RPIA: variants seen among roughly 807,000 people sequenced by gnomAD.
The protein encoded by RPIA is ribose 5-phosphate isomerase A.
RPIA carries 29 observed loss-of-function variants against 37.8 expected under a neutral mutation model. The ratio of observed to expected loss-of-function variants is 0.77; its 90% CI spans 0.57 to 1.05. The LOEUF (loss-of-function observed/expected upper bound fraction) is 1.05. RPIA is among the 50% of genes least tolerant of loss of function. The probability of loss-of-function intolerance (pLI) is 0.00; values close to 1 mark genes in which losing one functional copy is unlikely to be tolerated. For missense variants in RPIA, 385 were observed against 413.6 expected, an observed-to-expected ratio of 0.93 and a Z score of 0.60; for synonymous variants, 167 against 157.0, an observed-to-expected ratio of 1.06 and a Z score of -0.48.
At chr2:88,703,582 A>C (rs1266289616) in intron 3 of RPIA, among the ~76,000 whole-genome samples, 4 of 152,208 alleles carry the variant, frequency 2.6e-5, no homozygotes, top group African/African-American at 9.6e-5. Context: ...CAGGGCATCA[A>C]GTCCCTAGGC....
rs371667464 is a variant in RPIA, at chr2:88,719,196, G to A, written c.403-10082G>A. ...GTCATGGATGACAAAAAGTTTTAGG[G>A]CAGCTATAGTCAAGACACAGTTGAC... On this transcript the variant is annotated intron_variant, in intron 3 of 8. Coordinates refer to ENST00000283646, the MANE Select transcript of RPIA (RefSeq NM_144563.3). Among the ~76,000 whole-genome samples, 37 of 152,250 alleles carry A rather than the reference G, an allele frequency of 2.4e-4. 3 individuals carry two copies. The highest frequency in any genetic ancestry group is 1.5e-3 in the East Asian group (8 of 5,188).
intron 2 of RPIA, among the ~76,000 whole-genome samples, chr2:88,698,995 G>T (rs1203156110): frequency 1.3e-5 from 2 of 152,170 alleles, no homozygotes; most frequent in African/African-American, 4.8e-5. Flanking sequence ...CACTGATTAG[G>T]GTGTCTCTAT....
intron 8 of RPIA, among the ~76,000 whole-genome samples, chr2:88,749,648 G>T (rs1484075928): frequency 6.6e-6 from 1 of 152,140 alleles, no homozygotes; most frequent in East Asian, 1.9e-4. Flanking sequence ...CATCTGATAT[G>T]TCTGAAGGAC....
At chr2:88,701,578 C>G (rs868691663) in intron 3 of RPIA, among the ~76,000 whole-genome samples, 3 of 192 alleles carry the variant, frequency 0.016, no homozygotes, top group Middle Eastern at 0.33. Flanking sequence ...CTATTTCTTG[C>G]TCTTTACATG....
intron 3 of RPIA, among the ~76,000 whole-genome samples, chr2:88,714,605 G>A (rs148003234): frequency 1.3e-5 from 2 of 152,354 alleles, no homozygotes; most frequent in African/African-American, 2.4e-5. Context: ...CTGGTCAGAT[G>A]TCCTAGAGAA....
rs912073413 is a variant in RPIA, at chr2:88,704,581, C to T, written c.402+4517C>T. On this transcript the variant is annotated intron_variant, in intron 3 of 8. Coordinates refer to ENST00000283646, the MANE Select transcript of RPIA (RefSeq NM_144563.3). ...ACAACACATGGGAATTATGGGAGTGCAATTCAAGATGAGATTTGGGTGGGG... is the reference window on the plus strand; with the variant it reads ...ACAACACATGGGAATTATGGGAGTGTAATTCAAGATGAGATTTGGGTGGGG... Among the ~76,000 whole-genome samples, 14 of 152,240 alleles carry T rather than the reference C, an allele frequency of 9.2e-5. No homozygotes were observed. The South Asian group carries it at 2.7e-3, about 29-fold the overall frequency.
chr2:88,719,867 G>A (rs1673098252), intron 3 of RPIA, among the ~76,000 whole-genome samples: 1 of 152,150 alleles, frequency 6.6e-6, no homozygotes, highest in Non-Finnish European at 1.5e-5. Context: ...ATCTGACCCA[G>A]GTGCCCATAT....
chr2:88,693,578 C>T (rs538771735), intron 1 of RPIA, among the ~76,000 whole-genome samples: 3 of 152,184 alleles, frequency 2.0e-5, no homozygotes, highest in Non-Finnish European at 4.4e-5. Context: ...TCTGTGTGTT[C>T]GTTTCTTCCA....
At chr2:88,741,340 T>G (rs1343505757) in intron 8 of RPIA, among the ~76,000 whole-genome samples, 2 of 152,206 alleles carry the variant, frequency 1.3e-5, no homozygotes, top group African/African-American at 4.8e-5. Flanking sequence ...GTTACTTCAC[T>G]TAGAATTATG....
chr2:88,715,465 ACT>A (rs1673022488), intron 3 of RPIA, among the ~76,000 whole-genome samples: 1 of 152,180 alleles, frequency 6.6e-6, no homozygotes, highest in African/African-American at 2.4e-5. Context: ...AAAGCCCATG[ACT>A]CTAATGTCAG....
intron 3 of RPIA, among the ~76,000 whole-genome samples, chr2:88,704,213 G>T (rs1028676046): frequency 6.6e-6 from 1 of 152,134 alleles, no homozygotes; most frequent in Admixed American, 6.5e-5. Context: ...CATATTTTCG[G>T]ATATCTTCTC....
intron 8 of RPIA, among the ~76,000 whole-genome samples, chr2:88,747,124 G>A (rs914372027): frequency 6.6e-6 from 1 of 152,172 alleles, no homozygotes; most frequent in Non-Finnish European, 1.5e-5. Context: ...AGGGCTTGCT[G>A]TGGCCACTGT....
chr2:88,718,758 A>G (rs1055827253), intron 3 of RPIA, among the ~76,000 whole-genome samples: 3 of 152,256 alleles, frequency 2.0e-5, no homozygotes, highest in African/African-American at 7.2e-5. Flanking sequence ...CTGTATTGTC[A>G]TAAGGTAAGA....
chr2:88,708,530 A>T (rs1672923567), intron 3 of RPIA, among the ~76,000 whole-genome samples: 3 of 152,166 alleles, frequency 2.0e-5, no homozygotes. Context: ...TTATTAATTT[A>T]TTTTGGGGAA....
At chr2:88,700,782 A>G (rs555034198) in intron 3 of RPIA, among the ~76,000 whole-genome samples, 1 of 152,262 alleles carries the variant, frequency 6.6e-6, no homozygotes, top group Non-Finnish European at 1.5e-5. Context: ...AAGGGAAGAG[A>G]GGTTTTGGGA....
chr2:88,720,764 G>A (rs932975416), intron 3 of RPIA, among the ~76,000 whole-genome samples: 5 of 152,160 alleles, frequency 3.3e-5, no homozygotes, highest in Middle Eastern at 3.4e-3. Flanking sequence ...TACACTGTTG[G>A]TGAGAGTGTA....
At chr2:88,728,290 G>A (rs576546409) in intron 3 of RPIA, among the ~76,000 whole-genome samples, 16 of 151,972 alleles carry the variant, frequency 1.1e-4, no homozygotes, top group African/African-American at 2.4e-4. Context: ...AGATCTTTAC[G>A]TTTTAGCCTT....
chr2:88,748,499 A>T (rs1468732967), intron 8 of RPIA, among the ~76,000 whole-genome samples: 1 of 152,146 alleles, frequency 6.6e-6, no homozygotes. Flanking sequence ...TTCTACCAAC[A>T]GTGTGTGCAG....
intron 1 of RPIA, 61 bp downstream of exon 1, chr2:88,692,044 C>A: frequency 6.6e-7 from 1 of 1,519,280 alleles, no homozygotes; most frequent in Non-Finnish European, 8.8e-7. Context: ...GCTACTGTTG[C>A]GCGTTGTGGG....
Sources: allele counts gnomAD v4.1 joint callset (sites outside exome capture counted in the v4.1 genomes callset), GRCh38; gene constraint gnomAD v4.1.1; transcripts MANE v1.5; gene names NCBI Gene and HGNC (gene_info 2026-07-23, HGNC 2026-07-21).